Variants in SYNE1 observed in about 807,000 individuals in gnomAD.
SYNE1 encodes the protein nesprin-1.
SYNE1 carries 616 observed loss-of-function variants against 1,111.0 expected under a neutral mutation model. That is an observed-to-expected ratio of 0.55 (90% confidence interval 0.52 to 0.59). The LOEUF (loss-of-function observed/expected upper bound fraction) is 0.59, where lower values mean the gene tolerates loss of function less well. SYNE1 is among the 20% of genes least tolerant of loss of function. SYNE1 has a pLI of 0.00. For synonymous variants in SYNE1, 3,855 were observed against 3,825.8 expected (o/e 1.01, Z -0.28); for missense variants, 10,006 against 10,417.0 (o/e 0.96, Z 1.72).
chr6:152,351,980 T>C (rs781780870), intron 70 of SYNE1, 47 bp downstream of exon 70: 1 of 1,583,700 alleles, frequency 6.3e-7, no homozygotes, highest in East Asian at 2.2e-5. Context: ...TCCCATTTGG[T>C]CTCTGTGTGA....
intron 4 of SYNE1, among the ~76,000 whole-genome samples, chr6:152,532,196 C>T (rs147838693): frequency 1.3e-5 from 2 of 152,144 alleles, no homozygotes; most frequent in East Asian, 1.9e-4. Flanking sequence ...TCTTAGAATC[C>T]GTATTGACCA....
At chr6:152,312,326 C>T (rs1183313885) in intron 87 of SYNE1, among the ~76,000 whole-genome samples, 1 of 150,406 alleles carries the variant, frequency 6.6e-6, no homozygotes, top group Non-Finnish European at 1.5e-5. Context: ...TCTCCTGCCT[C>T]AGCTTCCCGA....
chr6:152,180,384 A>C, intron 128 of SYNE1, 90 bp from the exon 129 acceptor site: 1 of 1,265,018 alleles, frequency 7.9e-7, no homozygotes, highest in Non-Finnish European at 1.1e-6. Context: ...TAGGACTAAA[A>C]TGAATGATAG....
intron 63 of SYNE1, among the ~76,000 whole-genome samples, chr6:152,363,481 A>T (rs547876443): frequency 6.6e-6 from 1 of 150,458 alleles, no homozygotes; most frequent in Admixed American, 6.6e-5. Context: ...GCGACAGAGC[A>T]AGACTCCGTC....
At chr6:152,573,427 C>T (rs4870114) in intron 3 of SYNE1, among the ~76,000 whole-genome samples, 33,335 of 148,596 alleles carry the variant, frequency 0.22, 4,102 homozygotes, top group Admixed American at 0.31. Flanking sequence ...TGAGAACATG[C>T]GGTGTTTGGT....
At chr6:152,587,688 G>A (rs1355274461) in intron 3 of SYNE1, among the ~76,000 whole-genome samples, 1 of 152,128 alleles carries the variant, frequency 6.6e-6, no homozygotes, top group Non-Finnish European at 1.5e-5. Context: ...AGGGTCTGCT[G>A]TGGCAATATT....
rs747296363 is a variant in SYNE1 at position 152,350,729 on chromosome 6, C to T, written c.11622G>A (p.Lys3874=). The change falls in exon 71 of 146, where the codon AAG becomes AAA. Residue 3874 remains lysine (K), a synonymous_variant. Transcript: ENST00000367255. ...GAGCTTCACCCTTCTCTCTCACTGACTTTACTGATGGTTCATGGGACAGCA... is the reference window on the plus strand; with the variant it reads ...GAGCTTCACCCTTCTCTCTCACTGATTTTACTGATGGTTCATGGGACAGCA... ...QTVLSHEPSV[K]SVREKGEALL... is the part of the protein sequence containing the mutation. 1.2e-6 allele frequency: 2 copies of T among 1,613,986 alleles called. No individual in the cohort carries two copies. Among genetic ancestry groups the T allele is most frequent in the Non-Finnish European group, 8.5e-7 (1 of 1,180,010 alleles).
rs1340457744 is a variant in SYNE1 at position 152,213,615 on chromosome 6, G to A, written c.22491C>T (p.His7497=). 9 of 1,613,838 alleles carry A rather than the reference G, an allele frequency of 5.6e-6. No individual in the cohort carries two copies. Among genetic ancestry groups the A allele is most frequent in the Non-Finnish European group, 7.6e-6 (9 of 1,179,954 alleles). ...YQHLLEQQRA[H]ELFQAEMFSR... is the part of the protein sequence containing the mutation. ...CAAATCTACTGATACAACTTACCTC[G>A]TGTGCTCTCTGCTGTTCCAAAAGGT... The change falls in exon 123 of 146, where the codon CAC becomes CAT. Residue 7497 remains histidine (H), a synonymous_variant. Transcript: ENST00000367255.
chr6:152,314,666 G>T (rs1341133290), intron 87 of SYNE1, among the ~76,000 whole-genome samples: 1 of 152,078 alleles, frequency 6.6e-6, no homozygotes, highest in East Asian at 1.9e-4. Flanking sequence ...AGGACTGTAT[G>T]TTTGTTGAAT....
intron 3 of SYNE1, among the ~76,000 whole-genome samples, chr6:152,614,008 T>C (rs2099639166): frequency 6.6e-6 from 1 of 152,204 alleles, no homozygotes; most frequent in Non-Finnish European, 1.5e-5. Flanking sequence ...TAGACTTAAA[T>C]GTTAGACTTA....
chr6:152,545,951 A>C (rs553623061), intron 3 of SYNE1: 4 of 152,354 alleles, frequency 2.6e-5, no homozygotes, highest in Admixed American at 2.0e-4. Context: ...ACCTCAATAA[A>C]ATATTGGAAT....
intron 3 of SYNE1, among the ~76,000 whole-genome samples, chr6:152,569,145 C>A (rs1212357006): frequency 6.6e-6 from 1 of 152,172 alleles, no homozygotes; most frequent in African/African-American, 2.4e-5. Flanking sequence ...AATGTAAATT[C>A]CTGGCTCCAA....
Position 152,342,167 on chromosome 6 carries a change from T to C in SYNE1, c.12225+1914A>G, listed in dbSNP as rs577675439. ...TAATCTGGAAGAAGGATCAGTATCC[T>C]CCTGTGACCACGGCTTACTCTGGTA... On this transcript the variant is annotated intron_variant, in intron 74 of 145. Transcript: ENST00000367255. 4.6e-5 allele frequency among the ~76,000 whole-genome samples: 7 copies of C among 152,304 alleles called. No homozygotes were observed. In the East Asian group the frequency reaches 1.2e-3, roughly 25 times the overall value.
intron 4 of SYNE1, among the ~76,000 whole-genome samples, chr6:152,531,221 T>C (rs113106424): frequency 3.3e-5 from 5 of 152,086 alleles, no homozygotes; most frequent in Non-Finnish European, 7.4e-5. Context: ...AAAAAAAAAT[T>C]TGAGATTGCT....
chr6:152,221,137 G>C, intron 118 of SYNE1, 91 bp from the exon 119 acceptor site: 1 of 1,321,820 alleles, frequency 7.6e-7, no homozygotes, highest in Non-Finnish European at 1.1e-6. Context: ...CCTGGTTCAT[G>C]TGAATATAGA....
chr6:152,591,234 T>A (rs529320662), intron 3 of SYNE1, among the ~76,000 whole-genome samples: 22 of 152,118 alleles, frequency 1.4e-4, no homozygotes, highest in Non-Finnish European at 1.9e-4. Context: ...AAAGCCGGAG[T>A]TATCACACTA....
intron 126 of SYNE1, among the ~76,000 whole-genome samples, chr6:152,204,911 T>C (rs1253781945): frequency 6.6e-6 from 1 of 152,184 alleles, no homozygotes; most frequent in Non-Finnish European, 1.5e-5. Flanking sequence ...AAATATATGA[T>C]TAACATGTTC....
intron 3 of SYNE1, among the ~76,000 whole-genome samples, chr6:152,596,914 C>A (rs2099583606): frequency 6.6e-6 from 1 of 152,158 alleles, no homozygotes; most frequent in African/African-American, 2.4e-5. Flanking sequence ...GACAAAGGCA[C>A]AAGCAAAAAC....
Position 152,151,682 on chromosome 6 carries a change from A to G in SYNE1, c.24321T>C (p.Ile8107=). The G allele has an allele frequency of 6.2e-7, 1 of 1,614,102 alleles. No homozygotes were observed. Among genetic ancestry groups the G allele is most frequent in the Non-Finnish European group, 8.5e-7 (1 of 1,179,982 alleles). ...TSILRRLKHF[I]GQREEFETAR... is the part of the protein sequence containing the mutation. ...CAGTCTCAAACTCCTCACGCTGGCCAATAAAATGCTGGAAGGCAAGAGGAA... is the reference window on the plus strand; with the variant it reads ...CAGTCTCAAACTCCTCACGCTGGCCGATAAAATGCTGGAAGGCAAGAGGAA... Residue 8107 remains isoleucine, a synonymous_variant, in exon 135 of 146, where the codon ATT becomes ATC. Transcript: ENST00000367255.
Sources: gnomAD v4.1 joint callset for allele counts (sites outside exome capture counted in the v4.1 genomes callset) on GRCh38, gnomAD v4.1.1 for gene constraint, MANE v1.5 for transcripts, NCBI Gene and HGNC (gene_info 2026-07-23, HGNC 2026-07-21) for gene names.